The following ZC3H12B variants were observed in gnomAD, a reference collection of about 807,000 sequenced individuals.
ZC3H12B encodes probable ribonuclease ZC3H12B.
ZC3H12B carries 7 observed loss-of-function variants against 43.9 expected under a neutral mutation model. The ratio of observed to expected loss-of-function variants is 0.16; its 90% CI spans 0.09 to 0.30. ZC3H12B has a LOEUF of 0.30. Among genes scored for constraint, ZC3H12B ranks in the 10% least tolerant of loss-of-function variants. ZC3H12B has a pLI of 1.00. For missense variants in ZC3H12B, 475 were observed against 670.2 expected, an observed-to-expected ratio of 0.71 and a Z score of 3.22; for synonymous variants, 222 against 241.7, an observed-to-expected ratio of 0.92 and a Z score of 0.76.
the ZC3H12B span, among the ~76,000 whole-genome samples, chrX:65,073,723 G>A: frequency 1.6e-3 from 183 of 111,992 alleles, no homozygotes; most frequent in Non-Finnish European, 2.3e-3. Context: ...TCAAGTGTCC[G>A]TGGTGGGAGA....
intron 2 of ZC3H12B, among the ~76,000 whole-genome samples, chrX:65,373,922 CTATATATATAGTATATATATATAGT>C (rs1569379655): frequency 1.8e-5 from 1 of 54,862 alleles, no homozygotes; most frequent in Non-Finnish European, 2.8e-5. Flanking sequence ...TATATATATA[CTATATATATAGTATATATATATAGT>C]TATATATATA....
At chrX:65,273,150 G>A in the ZC3H12B span, 1 of 112,324 alleles carries the variant, frequency 8.9e-6, no homozygotes, top group African/African-American at 3.2e-5. Flanking sequence ...TCCAGGATTG[G>A]TCTTCCAGTT....
At chrX:65,386,929 G>T (rs951622958) in intron 2 of ZC3H12B, among the ~76,000 whole-genome samples, 2 of 111,681 alleles carry the variant, frequency 1.8e-5, no homozygotes, top group African/African-American at 6.5e-5. Flanking sequence ...GGAGCAGATT[G>T]TTCAGTTTCC....
intron 2 of ZC3H12B, among the ~76,000 whole-genome samples, chrX:65,389,076 TG>T (rs1381415743): frequency 8.9e-6 from 1 of 112,172 alleles, no homozygotes; most frequent in Non-Finnish European, 1.9e-5. Context: ...TTAGGCTACT[TG>T]GGGTTCAGGG....
At chrX:65,427,072 C>T (rs781463585) in intron 3 of ZC3H12B, among the ~76,000 whole-genome samples, 107 of 111,577 alleles carry the variant, frequency 9.6e-4, no homozygotes, top group Non-Finnish European at 1.8e-3. Context: ...TTAAAGTCTT[C>T]CACTATTATT....
At chrX:65,162,562 C>T in the ZC3H12B span, among the ~76,000 whole-genome samples, 2 of 112,132 alleles carry the variant, frequency 1.8e-5, no homozygotes, top group Admixed American at 1.9e-4. Flanking sequence ...ATCACATCGG[C>T]TCCTGAGGCT....
At chrX:65,153,233 G>A in the ZC3H12B span, among the ~76,000 whole-genome samples, 3 of 111,946 alleles carry the variant, frequency 2.7e-5, no homozygotes, top group Non-Finnish European at 5.6e-5. Context: ...ATTGACAAAT[G>A]GGATCTAATT....
At chrX:65,202,055 T>TTATATAG in the ZC3H12B span, among the ~76,000 whole-genome samples, 1 of 84,862 alleles carries the variant, frequency 1.2e-5, no homozygotes, top group Non-Finnish European at 2.2e-5. Flanking sequence ...ATAATATATA[T>TTATATAG]TATATGTAAT....
chrX:65,175,085 C>G, the ZC3H12B span, among the ~76,000 whole-genome samples: 1 of 111,977 alleles, frequency 8.9e-6, no homozygotes, highest in East Asian at 2.8e-4. Flanking sequence ...AGCACAGTAT[C>G]TGGGCCAGAT....
chrX:65,479,280 T>C (rs756536328), intron 3 of ZC3H12B, among the ~76,000 whole-genome samples: 1 of 111,947 alleles, frequency 8.9e-6, no homozygotes, highest in Non-Finnish European at 1.9e-5. Flanking sequence ...ATAGAGCACA[T>C]TCAAATGCCA....
At chrX:65,182,622 A>C in the ZC3H12B span, among the ~76,000 whole-genome samples, 11 of 110,118 alleles carry the variant, frequency 1.0e-4, no homozygotes, top group Non-Finnish European at 1.5e-4. Context: ...AGCTATCAAT[A>C]GATAGACAAC....
chrX:65,153,763 A>G, the ZC3H12B span, among the ~76,000 whole-genome samples: 5 of 111,752 alleles, frequency 4.5e-5, no homozygotes, highest in African/African-American at 6.5e-5. Flanking sequence ...TCATGCTGCT[A>G]TAAAGACACA....
the ZC3H12B span, among the ~76,000 whole-genome samples, chrX:65,201,573 T>G: frequency 9.0e-6 from 1 of 110,619 alleles, no homozygotes; most frequent in Non-Finnish European, 1.9e-5. Context: ...TTGGTTATTT[T>G]TTTGTCTTCT....
At chrX:65,049,539 T>C in the ZC3H12B span, among the ~76,000 whole-genome samples, 2 of 111,623 alleles carry the variant, frequency 1.8e-5, no homozygotes, top group East Asian at 2.8e-4. Flanking sequence ...TATGATTGCC[T>C]TTATGTCAGT....
the ZC3H12B span, among the ~76,000 whole-genome samples, chrX:65,211,856 GTATACTA>G: frequency 4.5e-4 from 33 of 73,514 alleles, no homozygotes; most frequent in African/African-American, 1.8e-3. Flanking sequence ...TATATGTTAT[GTATACTA>G]TATAATATAT....
At chrX:65,226,260 C>A in the ZC3H12B span, among the ~76,000 whole-genome samples, 1 of 111,324 alleles carries the variant, frequency 9.0e-6, no homozygotes, top group African/African-American at 3.3e-5. Flanking sequence ...AATTTCATAT[C>A]CAGCCAAACT....
chrX:65,459,801 A>G (rs1399701311), intron 3 of ZC3H12B, among the ~76,000 whole-genome samples: 4 of 111,789 alleles, frequency 3.6e-5, no homozygotes, highest in East Asian at 5.6e-4. Context: ...CTGGCACAAG[A>G]CAGGGATGCC....
At position 65,450,741 on chromosome X, in the gene ZC3H12B, A is replaced by G. The variant is rs190283178; in HGVS notation, n.408-37905A>G. Among the ~76,000 whole-genome samples the G allele has an allele frequency of 1.0e-3, 52 of 50,910 alleles. 1 individual carries two copies. The East Asian group carries it at 0.028, about 28-fold the overall frequency. 44.2% of individuals were successfully genotyped at this position (50,910 alleles called of 115,157 possible). On this transcript the variant is annotated intron_variant and non_coding_transcript_variant, in intron 3 of 5. Coordinates refer to the ZC3H12B transcript ENST00000617377. ...TATACATATGTGTATATATGTATATATATATACATATGTGTATATATGTAT... is the reference window on the plus strand; with the variant it reads ...TATACATATGTGTATATATGTATATGTATATACATATGTGTATATATGTAT...
chrX:65,357,382 A>C, the ZC3H12B span: 6 of 222,255 alleles, frequency 2.7e-5, no homozygotes, highest in Non-Finnish European at 5.0e-5. Flanking sequence ...TGTTGCACAA[A>C]CACTACCATA....
Sources: gnomAD v4.1 joint callset for allele counts (sites outside exome capture counted in the v4.1 genomes callset) on GRCh38, gnomAD v4.1.1 for gene constraint, MANE v1.5 for transcripts, NCBI Gene and HGNC (gene_info 2026-07-23, HGNC 2026-07-21) for gene names.